The following ST7 variants were observed in gnomAD, a reference collection of about 807,000 sequenced individuals.
The protein encoded by ST7 is suppression of tumorigenicity 7, also known as suppressor of tumorigenicity 7 protein.
ST7 carries 28 observed loss-of-function variants against 78.7 expected under a neutral mutation model. The observed-to-expected ratio is 0.36, with a 90% CI of 0.26 to 0.49. The LOEUF is 0.49. Ranked by LOEUF, ST7 falls within the 20% of genes least tolerant of loss-of-function variation. ST7 has a pLI of 0.99. For synonymous variants in ST7, 247 were observed against 249.6 expected (o/e 0.99, Z 0.10); for missense variants, 418 against 696.0 (o/e 0.60, Z 4.49).
At chr7:117,210,150 T>C (rs905656118) in intron 13 of ST7, among the ~76,000 whole-genome samples, 4 of 152,114 alleles carry the variant, frequency 2.6e-5, no homozygotes, top group African/African-American at 9.7e-5. Flanking sequence ...CTCAGAAAGG[T>C]AAGTTTATAT....
chr7:117,223,022 T>C (rs762564510), intron 15 of ST7: 7 of 1,390,980 alleles, frequency 5.0e-6, no homozygotes, highest in Non-Finnish European at 7.2e-6. Flanking sequence ...CTGCTCCTCC[T>C]CCTGTATTCC....
At chr7:117,130,272 T>G (rs1584743088) in intron 4 of ST7, among the ~76,000 whole-genome samples, 1 of 151,884 alleles carries the variant, frequency 6.6e-6, no homozygotes, top group Non-Finnish European at 1.5e-5. Context: ...GGCTAGTAAA[T>G]TTTAAGACAA....
At chr7:117,206,589 C>A (rs970151180) in intron 12 of ST7, among the ~76,000 whole-genome samples, 3 of 152,126 alleles carry the variant, frequency 2.0e-5, no homozygotes, top group Admixed American at 2.0e-4. Context: ...TCCCATTGAT[C>A]CTGCAGGCTG....
intron 12 of ST7, among the ~76,000 whole-genome samples, chr7:117,208,576 A>G (rs558075005): frequency 1.9e-4 from 29 of 152,236 alleles, no homozygotes; most frequent in African/African-American, 5.8e-4. Flanking sequence ...AACCGTGCCA[A>G]TGGGAGAGGA....
chr7:117,210,902 G>A (rs1370601974), intron 13 of ST7, among the ~76,000 whole-genome samples: 1 of 152,190 alleles, frequency 6.6e-6, no homozygotes, highest in African/African-American at 2.4e-5. Flanking sequence ...ACTAAAACAA[G>A]AGAGTCTTCT....
intron 1 of ST7, among the ~76,000 whole-genome samples, chr7:117,044,723 C>T (rs1332792470): frequency 1.3e-5 from 2 of 152,096 alleles, no homozygotes; most frequent in East Asian, 1.9e-4. Context: ...TCAAACCCAG[C>T]GTTCTGTGAC....
At chr7:117,129,710 C>A in intron 3 of ST7, 83 bp from the exon 4 acceptor site, 2 of 1,037,628 alleles carry the variant, frequency 1.9e-6, no homozygotes, top group Non-Finnish European at 3.0e-6. Context: ...TATCAAATGG[C>A]AGGAAGGGTG....
At chr7:117,057,647 T>C (rs1798131150) in intron 1 of ST7, among the ~76,000 whole-genome samples, 1 of 152,172 alleles carries the variant, frequency 6.6e-6, no homozygotes, top group South Asian at 2.1e-4. Flanking sequence ...TATTAAGCTA[T>C]TTCAGACCCA....
chr7:117,052,082 G>A (rs544854692), intron 1 of ST7, among the ~76,000 whole-genome samples: 101 of 152,184 alleles, frequency 6.6e-4, no homozygotes, highest in Admixed American at 6.5e-4. Context: ...AAGTAAAAGC[G>A]TTAGTGTCCA....
At chr7:117,177,257 T>G (rs1808411759) in intron 10 of ST7, among the ~76,000 whole-genome samples, 1 of 152,230 alleles carries the variant, frequency 6.6e-6, no homozygotes, top group Admixed American at 6.5e-5. Context: ...GCAAAAGTTC[T>G]GATAATAGAT....
At chr7:117,092,387 T>TC (rs1461297671) in intron 1 of ST7, among the ~76,000 whole-genome samples, 1 of 151,838 alleles carries the variant, frequency 6.6e-6, no homozygotes, top group Non-Finnish European at 1.5e-5. Flanking sequence ...ACTTTAGCGT[T>TC]TGTCTGTCAC....
In ST7 at chr7:117,136,016, C is replaced by T. The variant is rs116974576; in HGVS notation, c.711-65C>T. The T allele has an allele frequency of 2.5e-4, 392 of 1,558,774 alleles. 2 individuals carry two copies. The East Asian group carries it at 7.3e-3, about 29-fold the overall frequency. On this transcript the variant is annotated intron_variant, in intron 7 of 15. Transcript: ENST00000323984. ...GTAACTCCTTGCCTTTCTGCATGAG[C>T]TCCTACAGTCTATTACCATGTCCTT...
At chr7:116,993,028 G>A (rs552641865) in intron 1 of ST7, among the ~76,000 whole-genome samples, 16 of 152,162 alleles carry the variant, frequency 1.1e-4, no homozygotes, top group Non-Finnish European at 1.3e-4. Context: ...TGTCCATATC[G>A]CTATCAGCAT....
At chr7:117,013,790 G>C (rs370128619) in intron 1 of ST7, among the ~76,000 whole-genome samples, 1 of 152,140 alleles carries the variant, frequency 6.6e-6, no homozygotes, top group Non-Finnish European at 1.5e-5. Context: ...GCGAGATCAC[G>C]CCACTGCACT....
chr7:117,053,966 T>C (rs947434727), intron 1 of ST7, among the ~76,000 whole-genome samples: 7 of 151,846 alleles, frequency 4.6e-5, no homozygotes, highest in Admixed American at 1.3e-4. Context: ...GCCTCCCGAG[T>C]AGCTGGGATT....
At chr7:116,959,563 A>G (rs1435250568) in intron 1 of ST7, 1 of 233,782 alleles carries the variant, frequency 4.3e-6, no homozygotes, top group African/African-American at 2.3e-5. Flanking sequence ...AATTGATCAA[A>G]TGCATTACTG....
At chr7:117,189,246 A>G in intron 10 of ST7, 75 bp from the exon 11 acceptor site, 2 of 955,586 alleles carry the variant, frequency 2.1e-6, no homozygotes, top group Non-Finnish European at 3.2e-6. Context: ...CGTGATTAAA[A>G]TGCTAGTGTA....
intron 12 of ST7, among the ~76,000 whole-genome samples, chr7:117,196,555 A>G (rs936190318): frequency 7.0e-6 from 1 of 142,236 alleles, no homozygotes; most frequent in Non-Finnish European, 1.5e-5. Context: ...GGTCATTCAT[A>G]TATCTTCTTG....
chr7:117,195,003 A>G (rs1810162938), intron 12 of ST7, among the ~76,000 whole-genome samples: 1 of 152,218 alleles, frequency 6.6e-6, no homozygotes, highest in Admixed American at 6.5e-5. Flanking sequence ...ATTTTCTGAC[A>G]AGTTTCCAAA....
Sources: gnomAD v4.1 joint callset for allele counts (sites outside exome capture counted in the v4.1 genomes callset) on GRCh38, gnomAD v4.1.1 for gene constraint, MANE v1.5 for transcripts, NCBI Gene and HGNC (gene_info 2026-07-23, HGNC 2026-07-21) for gene names.